Variants in SYNPR observed in about 807,000 individuals in gnomAD.
SYNPR encodes the protein synaptoporin.
In SYNPR, 23 loss-of-function variants were observed where a neutral mutation model predicts 32.9. The ratio of observed to expected loss-of-function variants is 0.70; its 90% CI spans 0.50 to 0.99. The LOEUF (loss-of-function observed/expected upper bound fraction) is 0.99. SYNPR is among the 50% of genes least tolerant of loss of function. The probability of loss-of-function intolerance (pLI) is 0.00; values close to 1 mark genes in which losing one functional copy is unlikely to be tolerated. For synonymous variants in SYNPR, 146 were observed against 135.9 expected (o/e 1.07, Z -0.52); for missense variants, 318 against 349.3 (o/e 0.91, Z 0.71).
At chr3:63,249,886 A>G (rs1292819201) in intron 1 of SYNPR, among the ~76,000 whole-genome samples, 1 of 152,042 alleles carries the variant, frequency 6.6e-6, no homozygotes, top group Non-Finnish European at 1.5e-5. Flanking sequence ...CAGAATGCAA[A>G]TAACACATAA....
intron 2 of SYNPR, among the ~76,000 whole-genome samples, chr3:63,259,980 A>G (rs1403269550): frequency 1.3e-5 from 2 of 152,210 alleles, no homozygotes; most frequent in Non-Finnish European, 2.9e-5. Flanking sequence ...ATTTCTTCAA[A>G]GAGAATAAAA....
intron 2 of SYNPR, among the ~76,000 whole-genome samples, chr3:63,476,319 A>AGGGAAG (rs1480754426): frequency 1.8e-5 from 1 of 55,526 alleles, no homozygotes; most frequent in Non-Finnish European, 3.7e-5. Context: ...AAGGGAGGGA[A>AGGGAAG]GCAAGGGAAG....
At chr3:63,526,842 G>A (rs1386505988) in intron 3 of SYNPR, among the ~76,000 whole-genome samples, 1 of 152,178 alleles carries the variant, frequency 6.6e-6, no homozygotes, top group Admixed American at 6.5e-5. Flanking sequence ...GCTGGCTGAG[G>A]TACGATTCAA....
chr3:63,319,977 T>C (rs2087091008), intron 2 of SYNPR, among the ~76,000 whole-genome samples: 1 of 152,118 alleles, frequency 6.6e-6, no homozygotes, highest in Non-Finnish European at 1.5e-5. Context: ...TGAGACAGGG[T>C]CTTGCCCTGT....
intron 2 of SYNPR, among the ~76,000 whole-genome samples, chr3:63,408,194 GAGGAAGGAAGGA>G (rs751071327): frequency 4.6e-4 from 23 of 50,154 alleles, no homozygotes; most frequent in Middle Eastern, 0.02. Context: ...AAGAAAGAAA[GAGGAAGGAAGGA>G]AGGAAGGAAG....
At chr3:63,417,072 A>G (rs1486187060) in intron 2 of SYNPR, among the ~76,000 whole-genome samples, 2 of 152,230 alleles carry the variant, frequency 1.3e-5, no homozygotes, top group Non-Finnish European at 2.9e-5. Flanking sequence ...CTCATCTGAG[A>G]CAAGGCCAGT....
At chr3:63,235,518 C>T (rs995969950) in intron 1 of SYNPR, among the ~76,000 whole-genome samples, 2 of 152,100 alleles carry the variant, frequency 1.3e-5, no homozygotes, top group African/African-American at 4.8e-5. Flanking sequence ...TTTTTGGGCC[C>T]CACTCTTGAA....
chr3:63,208,605 G>C, the SYNPR span, among the ~76,000 whole-genome samples: 1 of 152,166 alleles, frequency 6.6e-6, no homozygotes, highest in Non-Finnish European at 1.5e-5. Context: ...TTCTAGATAG[G>C]ACTAGCAAGG....
At chr3:63,542,398 C>T (rs76948536) in intron 3 of SYNPR, among the ~76,000 whole-genome samples, 5,620 of 152,124 alleles carry the variant, frequency 0.037, 338 homozygotes, top group African/African-American at 0.13. Flanking sequence ...TAACACTGCT[C>T]GCAAATTTCG....
intron 4 of SYNPR, among the ~76,000 whole-genome samples, chr3:63,559,703 G>T (rs1285240165): frequency 1.4e-5 from 2 of 144,908 alleles, no homozygotes; most frequent in South Asian, 2.2e-4. Flanking sequence ...TTGGGCAAGT[G>T]TTTTTTTTTT....
chr3:63,408,653 C>T (rs2088421504), intron 2 of SYNPR, among the ~76,000 whole-genome samples: 1 of 152,150 alleles, frequency 6.6e-6, no homozygotes, highest in African/African-American at 2.4e-5. Context: ...AGAAGGGTGT[C>T]CCAGCTCCAG....
intron 2 of SYNPR, among the ~76,000 whole-genome samples, chr3:63,295,341 AG>A: frequency 6.6e-6 from 1 of 152,254 alleles, no homozygotes; most frequent in East Asian, 1.9e-4. Context: ...CCCTCTTTTC[AG>A]GCAAGAAATC....
intron 2 of SYNPR, among the ~76,000 whole-genome samples, chr3:63,350,737 C>T (rs2087495382): frequency 6.6e-6 from 1 of 152,200 alleles, no homozygotes; most frequent in East Asian, 1.9e-4. Context: ...ATGGACACCA[C>T]AATCAGAAAT....
At chr3:63,422,746 GA>G (rs1423628775) in intron 2 of SYNPR, among the ~76,000 whole-genome samples, 1 of 151,940 alleles carries the variant, frequency 6.6e-6, no homozygotes, top group Non-Finnish European at 1.5e-5. Flanking sequence ...GTCCTACCTA[GA>G]AAAAAAGACG....
intron 2 of SYNPR, among the ~76,000 whole-genome samples, chr3:63,329,386 G>C (rs937164013): frequency 6.6e-6 from 1 of 152,102 alleles, no homozygotes; most frequent in Non-Finnish European, 1.5e-5. Flanking sequence ...TTTAGTGGTT[G>C]AGCCAGGATT....
chr3:63,336,044 C>A (rs888393245), intron 2 of SYNPR, among the ~76,000 whole-genome samples: 2 of 151,924 alleles, frequency 1.3e-5, no homozygotes, highest in Non-Finnish European at 2.9e-5. Flanking sequence ...CCATTAGCTT[C>A]CTTTTTTATG....
chr3:63,343,435 G>A (rs955909890), intron 2 of SYNPR, among the ~76,000 whole-genome samples: 1 of 152,234 alleles, frequency 6.6e-6, no homozygotes, highest in African/African-American at 2.4e-5. Flanking sequence ...GTGGTGGTGT[G>A]CATCCCAGGG....
chr3:63,501,494 C>CAAAAAAAAAAAAAAAAAAAAGAAAAAAA (rs1701479371), intron 3 of SYNPR, among the ~76,000 whole-genome samples: 6 of 96,734 alleles, frequency 6.2e-5, no homozygotes, highest in East Asian at 2.7e-4. Context: ...CTCCCCCAAC[C>CAAAAAAAAAAAAAAAAAAAAGAAAAAAA]AAAAAAAAAA....
chr3:63,357,036 A>T (rs2087592515), intron 2 of SYNPR, among the ~76,000 whole-genome samples: 1 of 152,244 alleles, frequency 6.6e-6, no homozygotes. Flanking sequence ...TGCTCCACAG[A>T]TGATGACAAT....
Sources: gnomAD v4.1 joint callset for allele counts (sites outside exome capture counted in the v4.1 genomes callset) on GRCh38, gnomAD v4.1.1 for gene constraint, MANE v1.5 for transcripts, NCBI Gene and HGNC (gene_info 2026-07-23, HGNC 2026-07-21) for gene names.